The following APOOL variants were observed in gnomAD, a reference collection of about 807,000 sequenced individuals.
APOOL encodes the protein apolipoprotein O like, also known as MICOS complex subunit MIC27.
A neutral mutation model predicts 23.1 loss-of-function variants in APOOL; 12 were observed. That is an observed-to-expected ratio of 0.52 (90% CI 0.33 to 0.84). APOOL has a LOEUF of 0.84. Ranked by LOEUF, APOOL falls within the 40% of genes least tolerant of loss-of-function variation. The probability of loss-of-function intolerance (pLI) is 0.02; values close to 1 mark genes in which losing one functional copy is unlikely to be tolerated. For synonymous variants in APOOL, 77 were observed against 69.9 expected, an observed-to-expected ratio of 1.10 and a Z score of -0.51; for missense variants, 212 against 199.6, an observed-to-expected ratio of 1.06 and a Z score of -0.37.
chrX:85,051,500 T>C lies in APOOL; in HGVS notation c.232T>C (p.Trp78Arg). The C allele has an allele frequency of 8.3e-7, 1 of 1,211,369 alleles. No homozygotes were observed. ...IRTATGCYIG[W>R]CKGVYVFVKN... Reference sequence around the variant, plus strand: ...CACTGCAACTGGTTGTTACATTGGCTGGTGCAAGGTAAGTCAATTCTGATA... The same window carrying C: ...CACTGCAACTGGTTGTTACATTGGCCGGTGCAAGGTAAGTCAATTCTGATA... Residue 78 changes from tryptophan to arginine, a missense_variant, in exon 3 of 9, where the codon TGG becomes CGG. By Grantham distance (101) the Trp-to-Arg change is moderately radical (BLOSUM62 -3). Transcript: ENST00000373173.
At chrX:85,059,179 C>T (rs1923091789) in intron 5 of APOOL, among the ~76,000 whole-genome samples, 1 of 109,558 alleles carries the variant, frequency 9.1e-6, no homozygotes. Context: ...TTTCCAGTTT[C>T]ATCCATGTCC....
Position 85,092,511 on chromosome X carries a change from C to A in APOOL, c.*4833C>A. 1 of 1,210,089 alleles carries A rather than the reference C, an allele frequency of 8.3e-7. No individual in the cohort carries two copies. On this transcript the variant is annotated 3_prime_UTR_variant, in exon 9 of 9. Transcript: ENST00000373173. ...TATAGTAGTTGATAGAAGCCTGGTT[C>A]CAAATGACGACAAGAAAGTGCATGC... is the stretch of plus-strand genomic sequence containing the variant.
rs911826971 is a variant in APOOL at position 85,088,483 on chromosome X, C to T, written c.*805C>T. 9.3e-6 allele frequency: 1 copy of T among 107,428 alleles called. No individual in the cohort carries two copies. The highest frequency in any genetic ancestry group is 1.9e-5 in the Non-Finnish European group (1 of 52,078). 8.9% of individuals were successfully genotyped at this position (107,428 alleles called of 1,213,427 possible). On this transcript the variant is annotated 3_prime_UTR_variant, in exon 9 of 9. Coordinates refer to ENST00000373173, the MANE Select transcript of APOOL (RefSeq NM_198450.6). Reference sequence around the variant, plus strand: ...CTATTTGAGAGGGCCATATGCTACACAGGCTTCCTAATACTGCTTAGCAAT... The same window carrying T: ...CTATTTGAGAGGGCCATATGCTACATAGGCTTCCTAATACTGCTTAGCAAT...
Position 85,093,108 on chromosome X carries a change from G to T in APOOL, c.*5430G>T, listed in dbSNP as rs1924578759. 6.2e-6 allele frequency: 6 copies of T among 970,104 alleles called. No individual in the cohort carries two copies. Among genetic ancestry groups the T allele is most frequent in the Non-Finnish European group, 8.5e-6 (6 of 709,300 alleles). The allele number at this position is 970,104 out of a possible 1,213,427, so 79.9% of individuals were successfully genotyped here. ...GTTATGTTCAAATGGTGAGATTAAT[G>T]ATTTAATTTATGCCCTGTGAATATT... On this transcript the variant is annotated 3_prime_UTR_variant, in exon 9 of 9. Transcript: ENST00000373173.
chrX:85,051,871 T>C (rs1437415806), intron 3 of APOOL, among the ~76,000 whole-genome samples: 2 of 111,972 alleles, frequency 1.8e-5, no homozygotes, highest in African/African-American at 6.5e-5. Flanking sequence ...TGATCTCAAA[T>C]AGGTCAGATA....
intron 1 of APOOL, among the ~76,000 whole-genome samples, chrX:85,036,915 TTAGCTCTCCTCA>T (rs1922236266): frequency 9.0e-6 from 1 of 110,858 alleles, no homozygotes; most frequent in Non-Finnish European, 1.9e-5. Flanking sequence ...TCCTCATGTA[TTAGCTCTCCTCA>T]AGCTTAGCTC....
chrX:85,092,560 A>G lies in APOOL; in HGVS notation c.*4882A>G. 2 of 1,200,896 alleles carry G rather than the reference A, an allele frequency of 1.7e-6. No individual in the cohort carries two copies. The highest frequency in any genetic ancestry group is 1.1e-6 in the Non-Finnish European group (1 of 888,886). ...GCAGTTACATTGAGTTGTGATGGCT[A>G]TCTGTTTAAAAACAAACAAGCAAAT... On this transcript the variant is annotated 3_prime_UTR_variant, in exon 9 of 9. Transcript: ENST00000373173.
Position 85,091,021 on chromosome X carries a change from C to T in APOOL, c.*3343C>T, listed in dbSNP as rs770623818. On this transcript the variant is annotated 3_prime_UTR_variant, in exon 9 of 9. Transcript: ENST00000373173. Reference sequence around the variant, plus strand: ...TTGGGAGGCCAAGGTGGGTGAATCACCTGAGGTCAGGAGTTTGAGACCAGC... The same window carrying T: ...TTGGGAGGCCAAGGTGGGTGAATCATCTGAGGTCAGGAGTTTGAGACCAGC... 8.9e-6 allele frequency: 1 copy of T among 112,113 alleles called. No individual in the cohort carries two copies. The highest frequency in any genetic ancestry group is 1.9e-5 in the Non-Finnish European group (1 of 53,227). 9.2% of individuals were successfully genotyped at this position (112,113 alleles called of 1,213,427 possible). A position where few individuals can be genotyped will look rare whatever the true frequency, so the allele number is the denominator to read the frequency against.
At chrX:85,084,699 A>G (rs1239011318) in intron 8 of APOOL, among the ~76,000 whole-genome samples, 2 of 111,488 alleles carry the variant, frequency 1.8e-5, no homozygotes, top group African/African-American at 6.5e-5. Flanking sequence ...AAAATCTTGA[A>G]GACTTTTAAG....
At chrX:85,070,563 A>C (rs1247335245) in intron 6 of APOOL, among the ~76,000 whole-genome samples, 2 of 111,900 alleles carry the variant, frequency 1.8e-5, no homozygotes, top group South Asian at 3.7e-4. Flanking sequence ...TTAAATTTTC[A>C]CAATATTTAA....
At chrX:85,062,764 G>A (rs1199481163) in intron 5 of APOOL, among the ~76,000 whole-genome samples, 1 of 111,598 alleles carries the variant, frequency 9.0e-6, no homozygotes, top group East Asian at 2.8e-4. Flanking sequence ...GGCTACTGTA[G>A]CCTTGTGGTA....
chrX:85,047,560 A>G (rs776241141), intron 2 of APOOL, among the ~76,000 whole-genome samples: 36 of 111,531 alleles, frequency 3.2e-4, no homozygotes, highest in Non-Finnish European at 1.1e-4. Context: ...CATAGTAAGC[A>G]TGTGGTTCTC....
intron 4 of APOOL, among the ~76,000 whole-genome samples, chrX:85,055,220 A>G (rs1043627193): frequency 6.3e-5 from 7 of 111,725 alleles, no homozygotes; most frequent in Non-Finnish European, 1.3e-4. Context: ...ATAATTAACT[A>G]TGATAGAAAA....
intron 5 of APOOL, among the ~76,000 whole-genome samples, chrX:85,059,665 A>C (rs1379752215): frequency 9.1e-6 from 1 of 110,122 alleles, no homozygotes; most frequent in Non-Finnish European, 1.9e-5. Context: ...TTTTGGCTGC[A>C]TAAATGTCTT....
chrX:85,047,946 G>T lies in APOOL; in HGVS notation c.120+1396G>T, dbSNP rs184410374. 3.6e-5 allele frequency among the ~76,000 whole-genome samples: 4 copies of T among 111,467 alleles called. No individual in the cohort carries two copies. The South Asian group carries it at 1.5e-3, about 42-fold the overall frequency. On this transcript the variant is annotated intron_variant, in intron 2 of 8. Transcript: ENST00000373173. ...ATGAATGTACTACCATCAAATAAAT[G>T]TAAAATTTTCATAAATTTTTGGAAA...
intron 4 of APOOL, 75 bp from the exon 5 acceptor site, chrX:85,055,752 C>T: frequency 1.4e-6 from 1 of 710,852 alleles, no homozygotes; most frequent in Non-Finnish European, 2.0e-6. Context: ...TCTCTTTAAC[C>T]TTCCTGCATT....
At chrX:85,034,749 T>C (rs1197589020) in intron 1 of APOOL, among the ~76,000 whole-genome samples, 1 of 112,426 alleles carries the variant, frequency 8.9e-6, no homozygotes, top group Non-Finnish European at 1.9e-5. Context: ...TCAGTTAGGA[T>C]AATGACTTCC....
In APOOL at chrX:85,092,200, C is replaced by A; in HGVS notation, c.*4522C>A. On this transcript the variant is annotated 3_prime_UTR_variant, in exon 9 of 9. Transcript: ENST00000373173. The stretch of plus-strand genomic sequence containing the variant: ...TTTGGATTATCACTACTGCTACTAG[C>A]CGTTAGAATATTGGTTTGGATAATG... 5.1e-6 allele frequency: 2 copies of A among 388,756 alleles called. No individual in the cohort carries two copies. Among genetic ancestry groups the A allele is most frequent in the Non-Finnish European group, 8.6e-6 (2 of 232,418 alleles). The allele number at this position is 388,756 out of a possible 1,213,427, so 32.0% of individuals were successfully genotyped here. A position where few individuals can be genotyped will look rare whatever the true frequency, so the allele number is the denominator to read the frequency against.
intron 1 of APOOL, among the ~76,000 whole-genome samples, chrX:85,014,648 C>T (rs990213005): frequency 1.8e-4 from 20 of 110,169 alleles, no homozygotes; most frequent in Non-Finnish European, 3.2e-4. Context: ...AGATAGGACC[C>T]CAATTCCTTC....
Sources: allele counts gnomAD v4.1 joint callset (sites outside exome capture counted in the v4.1 genomes callset), GRCh38; gene constraint gnomAD v4.1.1; transcripts MANE v1.5; gene names NCBI Gene and HGNC (gene_info 2026-07-23, HGNC 2026-07-21).